FNDC1: variants seen among roughly 807,000 people sequenced by gnomAD.
The protein encoded by FNDC1 is fibronectin type III domain-containing protein 1.
FNDC1 carries 96 observed loss-of-function variants against 168.0 expected under a neutral mutation model. That is an observed-to-expected ratio of 0.57 (90% CI 0.48 to 0.68). The LOEUF is 0.68. Among genes scored for constraint, FNDC1 ranks in the 30% least tolerant of loss-of-function variants. The probability of loss-of-function intolerance (pLI) is 0.00; values close to 1 mark genes in which losing one functional copy is unlikely to be tolerated. For missense variants in FNDC1, 2,587 were observed against 2,482.1 expected, an observed-to-expected ratio of 1.04 and a Z score of -0.90; for synonymous variants, 1,099 against 1,025.9, an observed-to-expected ratio of 1.07 and a Z score of -1.36.
At chr6:159,251,559 C>T (rs1777266138) in intron 17 of FNDC1, 27 bp downstream of exon 17, 1 of 1,587,470 alleles carries the variant, frequency 6.3e-7, no homozygotes, top group Non-Finnish European at 8.6e-7. Context: ...AATCAGAGTT[C>T]CCATGATCTG....
intron 1 of FNDC1, among the ~76,000 whole-genome samples, chr6:159,189,228 T>G (rs1473244309): frequency 1.3e-5 from 2 of 152,130 alleles, no homozygotes; most frequent in Middle Eastern, 3.2e-3. Flanking sequence ...GAACTAGGGC[T>G]GTAAGCATCA....
chr6:159,261,301 AC>A (rs762360808), intron 19 of FNDC1, 32 bp downstream of exon 19: 2 of 1,454,192 alleles, frequency 1.4e-6, no homozygotes, highest in Non-Finnish European at 1.9e-6. Context: ...GATTTGTTTT[AC>A]TTTTCGAGAA....
chr6:159,203,489 T>C (rs1782418388), intron 4 of FNDC1, among the ~76,000 whole-genome samples: 1 of 152,082 alleles, frequency 6.6e-6, no homozygotes, highest in African/African-American at 2.4e-5. Flanking sequence ...ATATGAAACC[T>C]CTCAGCACTC....
chr6:159,205,741 T>C (rs1194509169), intron 4 of FNDC1, among the ~76,000 whole-genome samples: 1 of 152,254 alleles, frequency 6.6e-6, no homozygotes, highest in Non-Finnish European at 1.5e-5. Context: ...GATTCCACTT[T>C]TAATGAATGA....
chr6:159,222,929 C>T (rs572487242), intron 6 of FNDC1, among the ~76,000 whole-genome samples: 2 of 151,786 alleles, frequency 1.3e-5, no homozygotes, highest in African/African-American at 4.8e-5. Flanking sequence ...AAAGCATCCC[C>T]TTTGTACTGT....
intron 4 of FNDC1, among the ~76,000 whole-genome samples, chr6:159,201,347 A>T (rs1782373466): frequency 6.6e-6 from 1 of 152,248 alleles, no homozygotes; most frequent in Non-Finnish European, 1.5e-5. Flanking sequence ...TCTGCTTTTC[A>T]GACCAGATTT....
intron 11 of FNDC1, 77 bp from the exon 12 acceptor site, chr6:159,236,136 AAT>A: frequency 1.1e-6 from 1 of 887,872 alleles, no homozygotes; most frequent in Non-Finnish European, 1.8e-6. Context: ...TGTCACTACT[AAT>A]AGTTTGGTAT....
At chr6:159,174,126 G>C (rs1051539935) in intron 1 of FNDC1, among the ~76,000 whole-genome samples, 1 of 152,190 alleles carries the variant, frequency 6.6e-6, no homozygotes, top group Non-Finnish European at 1.5e-5. Flanking sequence ...GGAGAGAAAG[G>C]ACTATGTATG....
rs1414472728 is a variant in FNDC1 at position 159,234,459 on chromosome 6, C to T, written c.3947C>T (p.Ala1316Val). Reference protein sequence around the residue: ...RFRNPLSRQPARPSYRQGYNG... With the variant: ...RFRNPLSRQPVRPSYRQGYNG... ...CGTAACCCTCTCTCCCGACAGCCTG[C>T]CAGACCCTCTTACAGACAAGGTAGT... Residue 1316 changes from alanine to valine, a missense_variant, in exon 11 of 23, where the codon GCC becomes GTC. Coordinates refer to ENST00000297267, the MANE Select transcript of FNDC1 (RefSeq NM_032532.3). 6.2e-7 allele frequency: 1 copy of T among 1,613,470 alleles called. No homozygotes were observed. Among genetic ancestry groups the T allele is most frequent in the South Asian group, 1.1e-5 (1 of 91,060 alleles).
At chr6:159,198,344 C>T (rs949136370) in intron 2 of FNDC1, among the ~76,000 whole-genome samples, 2 of 152,150 alleles carry the variant, frequency 1.3e-5, no homozygotes, top group South Asian at 2.1e-4. Context: ...TCCTCTTGTG[C>T]CACCTTAGCA....
chr6:159,225,501 T>C, intron 7 of FNDC1, 34 bp from the exon 8 acceptor site: 1 of 1,548,058 alleles, frequency 6.5e-7, no homozygotes, highest in Non-Finnish European at 8.8e-7. Context: ...TGGCAGAGAA[T>C]TTGGACAGAT....
rs1766811289 is a variant in FNDC1, at chr6:159,234,069, GA to G, written c.3558del (p.Phe1188LeufsTer53). The stretch of plus-strand genomic sequence containing the variant: ...GAGGACGACGAGGAGGAGGACGCGG[GA>G]TTTTTTAAAGGCGGGAAAGAAGACC... ...SAEDDEEEDA[G>X]FFKGGKEDLL... On this transcript the variant is annotated frameshift_variant, in exon 11 of 23. Coordinates refer to ENST00000297267, the MANE Select transcript of FNDC1 (RefSeq NM_032532.3). LOFTEE classifies it high-confidence loss of function. 1 of 1,612,616 alleles carries G rather than the reference GA, an allele frequency of 6.2e-7. No homozygotes were observed. The highest frequency in any genetic ancestry group is 8.5e-7 in the Non-Finnish European group (1 of 1,179,442).
At chr6:159,246,594 G>C (rs1777136691) in intron 14 of FNDC1, among the ~76,000 whole-genome samples, 1 of 152,220 alleles carries the variant, frequency 6.6e-6, no homozygotes, top group African/African-American at 2.4e-5. Flanking sequence ...GTGGGCTGAG[G>C]TGGTGGGAGG....
At chr6:159,207,688 C>T (rs1782517096) in intron 4 of FNDC1, among the ~76,000 whole-genome samples, 1 of 152,114 alleles carries the variant, frequency 6.6e-6, no homozygotes, top group Non-Finnish European at 1.5e-5. Context: ...CAAGTGAAGC[C>T]AATGTGTGTG....
chr6:159,239,744 ACTGCCACCAC>A lies in FNDC1; in HGVS notation c.4410_4419del (p.Thr1472AlafsTer52). 6.5e-7 allele frequency: 1 copy of A among 1,545,230 alleles called. No homozygotes were observed. The highest frequency in any genetic ancestry group is 8.7e-7 in the Non-Finnish European group (1 of 1,143,228). ...TACCACTACAACCCCGAGGCCCACC[ACTGCCACCAC>A]CCGCCGCACGACCACCACCCGCCGC... On this transcript the variant is annotated frameshift_variant, in exon 14 of 23. Transcript: ENST00000297267. LOFTEE classifies it high-confidence loss of function.
chr6:159,216,760 A>AGCTT (rs1422498276), intron 5 of FNDC1, among the ~76,000 whole-genome samples: 1 of 152,232 alleles, frequency 6.6e-6, no homozygotes, highest in Admixed American at 6.5e-5. Flanking sequence ...TATGTTCTCC[A>AGCTT]GCTTGCTTCT....
chr6:159,242,904 C>G (rs1783459021), intron 14 of FNDC1, among the ~76,000 whole-genome samples: 1 of 152,156 alleles, frequency 6.6e-6, no homozygotes, highest in Non-Finnish European at 1.5e-5. Flanking sequence ...TATGGATATA[C>G]AGCATTTTTT....
chr6:159,200,127 T>C, intron 3 of FNDC1, 45 bp downstream of exon 3: 1 of 1,374,144 alleles, frequency 7.3e-7, no homozygotes, highest in Non-Finnish European at 1.0e-6. Flanking sequence ...GTTACTTAGA[T>C]TGGGAGAGAC....
intron 19 of FNDC1, among the ~76,000 whole-genome samples, chr6:159,263,730 C>T (rs1777538390): frequency 6.6e-6 from 1 of 152,042 alleles, no homozygotes; most frequent in Non-Finnish European, 1.5e-5. Context: ...CCACTGCACT[C>T]CAGCCTGGGT....
Sources: gnomAD v4.1 joint callset for allele counts (sites outside exome capture counted in the v4.1 genomes callset) on GRCh38, gnomAD v4.1.1 for gene constraint, MANE v1.5 for transcripts, NCBI Gene and HGNC (gene_info 2026-07-23, HGNC 2026-07-21) for gene names.